CACNA1G: variants seen among roughly 807,000 people sequenced by gnomAD.
The protein encoded by CACNA1G is voltage-dependent T-type calcium channel subunit alpha-1G.
Under a neutral mutation model 219.4 loss-of-function variants are expected in CACNA1G, and 67 were observed. The ratio of observed to expected loss-of-function variants is 0.31; its 90% CI spans 0.25 to 0.37. CACNA1G has a LOEUF of 0.37. CACNA1G is among the 10% of genes least tolerant of loss of function. CACNA1G has a pLI of 1.00. For synonymous variants in CACNA1G, 1,296 were observed against 1,345.3 expected (o/e 0.96, Z 0.80); for missense variants, 2,380 against 3,231.4 (o/e 0.74, Z 6.39).
intron 9 of CACNA1G, among the ~76,000 whole-genome samples, chr17:50,582,820 G>A (rs943559933): frequency 2.6e-5 from 4 of 152,064 alleles, no homozygotes; most frequent in African/African-American, 9.7e-5. Flanking sequence ...TAGACGGGGA[G>A]AGGAAGGGGA....
intron 19 of CACNA1G, among the ~76,000 whole-genome samples, chr17:50,602,247 C>A (rs778411518): frequency 1.3e-5 from 2 of 152,256 alleles, no homozygotes; most frequent in Non-Finnish European, 2.9e-5. Context: ...TGCCCGCCAC[C>A]TCTCTAGAGA....
rs1374983415 is a variant in CACNA1G at position 50,627,268 on chromosome 17, T to A, written c.*517T>A. 2 of 453,574 alleles carry A rather than the reference T, an allele frequency of 4.4e-6. No individual in the cohort carries two copies. The highest frequency in any genetic ancestry group is 1.6e-5 in the South Asian group (1 of 64,318). The allele number at this position is 453,574 out of a possible 1,614,324, so 28.1% of individuals were successfully genotyped here. On this transcript the variant is annotated 3_prime_UTR_variant, in exon 38 of 38. Coordinates refer to ENST00000359106, the MANE Select transcript of CACNA1G (RefSeq NM_018896.5). ...ATTGCAGCCCCAACGGTGGCCCATCTTCAGCGGAGAGCGAGAACCATTTTG... is the reference window on the plus strand; with the variant it reads ...ATTGCAGCCCCAACGGTGGCCCATCATCAGCGGAGAGCGAGAACCATTTTG...
chr17:50,625,126 A>C (rs1339020025), intron 37 of CACNA1G, among the ~76,000 whole-genome samples: 1 of 151,908 alleles, frequency 6.6e-6, no homozygotes, highest in African/African-American at 2.4e-5. Flanking sequence ...ATAATTTTGT[A>C]TTTTTAGTAG....
intron 9 of CACNA1G, among the ~76,000 whole-genome samples, chr17:50,580,740 G>T (rs969401171): frequency 6.6e-6 from 1 of 152,202 alleles, no homozygotes; most frequent in Non-Finnish European, 1.5e-5. Context: ...GGTTTTGTCC[G>T]CATACCTGGT....
At chr17:50,625,636 A>G (rs1483682452) in intron 37 of CACNA1G, among the ~76,000 whole-genome samples, 1 of 152,198 alleles carries the variant, frequency 6.6e-6, no homozygotes, top group African/African-American at 2.4e-5. Context: ...CCAATCAGGA[A>G]GGGTATTCAG....
In CACNA1G at chr17:50,621,540, G is replaced by GC. The variant is rs983901928; in HGVS notation, c.5926-114dup. ...GAGAGAGAAGGGATGCCTTTTTCCC[G>GC]CCCCCCTGTGCTTCGTGAAAAGGGG... On this transcript the variant is annotated intron_variant, in intron 34 of 37. Coordinates refer to ENST00000359106, the MANE Select transcript of CACNA1G (RefSeq NM_018896.5). This position sits in a 1 kb window ranked among gnomAD's most constrained non-coding sequence, Gnocchi z 4.6. The GC allele has an allele frequency of 8.9e-7, 1 of 1,117,670 alleles. No homozygotes were observed. The highest frequency in any genetic ancestry group is 2.5e-5 in the East Asian group (1 of 39,604). 69.2% of individuals were successfully genotyped at this position (1,117,670 alleles called of 1,614,324 possible).
chr17:50,576,429 T>G, intron 8 of CACNA1G, 103 bp downstream of exon 8: 10 of 1,145,272 alleles, frequency 8.7e-6, no homozygotes, highest in Non-Finnish European at 1.1e-5. Flanking sequence ...AGGGCTTATA[T>G]TCTCATGCTG....
At position 50,578,404 on chromosome 17, in the gene CACNA1G, G is replaced by C; in HGVS notation, c.2141G>C (p.Arg714Pro). 3.7e-6 allele frequency: 6 copies of C among 1,613,322 alleles called. No homozygotes were observed. The highest frequency in any genetic ancestry group is 5.1e-6 in the Non-Finnish European group (6 of 1,179,794). Reference sequence around the variant, plus strand: ...CGGGACCCCCACAGCCGGCGGCAACGGAGCCTGGGCCCAGATGCAGAGCCC... The same window carrying C: ...CGGGACCCCCACAGCCGGCGGCAACCGAGCCTGGGCCCAGATGCAGAGCCC... ...DLRDPHSRRQRSLGPDAEPSS... is the reference protein window; with the variant it reads ...DLRDPHSRRQPSLGPDAEPSS... Residue 714 changes from arginine to proline, a missense_variant, in exon 9 of 38, where the codon CGG becomes CCG. Arg to Pro is a moderately radical substitution (Grantham distance 103, BLOSUM62 -2). Coordinates refer to ENST00000359106, the MANE Select transcript of CACNA1G (RefSeq NM_018896.5). The surrounding 1 kb of genome is among the most constrained non-coding windows in gnomAD (Gnocchi z 4.5).
Position 50,618,650 on chromosome 17 carries a change from C to T in CACNA1G, c.5428-5C>T, listed in dbSNP as rs2051079124. ...AGCCTCACCCCTCTATTCCACCCTCCCCAGGACACCCTCCGGGACTGTGAC... is the reference window on the plus strand; with the variant it reads ...AGCCTCACCCCTCTATTCCACCCTCTCCAGGACACCCTCCGGGACTGTGAC... On this transcript the variant is annotated splice_polypyrimidine_tract_variant and splice_region_variant and intron_variant, in intron 32 of 37. Coordinates refer to ENST00000359106, the MANE Select transcript of CACNA1G (RefSeq NM_018896.5). This position sits in a 1 kb window ranked among gnomAD's most constrained non-coding sequence, Gnocchi z 5.3. The T allele has an allele frequency of 6.2e-7, 1 of 1,607,702 alleles. No individual in the cohort carries two copies. The highest frequency in any genetic ancestry group is 8.5e-7 in the Non-Finnish European group (1 of 1,174,690).
At chr17:50,613,560 C>A (rs553219410) in intron 26 of CACNA1G, among the ~76,000 whole-genome samples, 68 of 152,252 alleles carry the variant, frequency 4.5e-4, no homozygotes, top group South Asian at 4.1e-4. Context: ...GCTGGGGTGA[C>A]GGGGAGAGGA....
chr17:50,579,527 C>T lies in CACNA1G; in HGVS notation c.2301+963C>T, dbSNP rs575441337. On this transcript the variant is annotated intron_variant, in intron 9 of 37. Coordinates refer to ENST00000359106, the MANE Select transcript of CACNA1G (RefSeq NM_018896.5). ...GTTCTTTCCAGAAGTCGCTCCCCCT[C>T]CCCCCAGTCTGGCCTTTCAGGTCAC... Among the ~76,000 whole-genome samples the T allele has an allele frequency of 2.4e-4, 36 of 152,182 alleles. No individual in the cohort carries two copies. The East Asian group carries it at 6.4e-3, about 27-fold the overall frequency.
chr17:50,621,662 C>T lies in CACNA1G; in HGVS notation c.5928C>T (p.Ile1976=). 1 of 1,613,896 alleles carries T rather than the reference C, an allele frequency of 6.2e-7. No homozygotes were observed. The highest frequency in any genetic ancestry group is 1.3e-5 in the African/African-American group (1 of 75,058). ...APSLGGSDPQ[I]PLAEMEALSL... The stretch of plus-strand genomic sequence containing the variant: ...TGATCATCTCTCTCCCTGTCTAGAT[C>T]CCTCTAGCTGAGATGGAGGCTCTGT... The change falls in exon 35 of 38, where the codon ATC becomes ATT. Residue 1976 remains isoleucine (I), a splice_region_variant and synonymous_variant. Coordinates refer to ENST00000359106, the MANE Select transcript of CACNA1G (RefSeq NM_018896.5). This position sits in a 1 kb window ranked among gnomAD's most constrained non-coding sequence, Gnocchi z 4.6.
At chr17:50,619,589 C>A in intron 33 of CACNA1G, 94 bp from the exon 34 acceptor site, 1 of 1,200,048 alleles carries the variant, frequency 8.3e-7, no homozygotes, top group South Asian at 1.4e-5. Flanking sequence ...TCCTCTGTTT[C>A]TCTTGTCAAT....
chr17:50,566,126 A>G (rs113179040), intron 1 of CACNA1G, among the ~76,000 whole-genome samples: 2 of 152,298 alleles, frequency 1.3e-5, no homozygotes, highest in Admixed American at 6.5e-5. Context: ...CTGCATAAGG[A>G]CAAGACAACA....
intron 22 of CACNA1G, 119 bp downstream of exon 22, chr17:50,604,400 A>C (rs1226126064): frequency 2.3e-5 from 30 of 1,297,928 alleles, no homozygotes; most frequent in Admixed American, 8.4e-5. Flanking sequence ...AGGAATAAGC[A>C]GGGACGCTTC....
Position 50,618,768 on chromosome 17 carries a change from C to A in CACNA1G, c.5541C>A (p.Ile1847=), listed in dbSNP as rs1367737705. Residue 1847 remains isoleucine (I), a synonymous_variant, in exon 33 of 38, where the codon ATC becomes ATA. Coordinates refer to ENST00000359106, the MANE Select transcript of CACNA1G (RefSeq NM_018896.5). This position sits in a 1 kb window ranked among gnomAD's most constrained non-coding sequence, Gnocchi z 5.3. ...TAQFVLVNVV[I]AVLMKHLEES... Reference sequence around the variant, plus strand: ...AGTTCGTGCTAGTCAACGTGGTGATCGCCGTGCTGATGAAGCACCTGGAGG... The same window carrying A: ...AGTTCGTGCTAGTCAACGTGGTGATAGCCGTGCTGATGAAGCACCTGGAGG... 1.2e-6 allele frequency: 2 copies of A among 1,613,998 alleles called. No individual in the cohort carries two copies. Among genetic ancestry groups the A allele is most frequent in the South Asian group, 2.2e-5 (2 of 91,088 alleles).
intron 26 of CACNA1G, among the ~76,000 whole-genome samples, chr17:50,612,237 C>T (rs377354933): frequency 2.0e-5 from 3 of 152,246 alleles, no homozygotes; most frequent in South Asian, 2.1e-4. Context: ...GAATCAAACA[C>T]GTGCACCGCA....
intron 27 of CACNA1G, 113 bp downstream of exon 27, chr17:50,615,625 C>T: frequency 8.6e-7 from 1 of 1,169,012 alleles, no homozygotes; most frequent in Non-Finnish European, 1.2e-6. Context: ...GTGCTAGGCA[C>T]ACTACATGGG....
chr17:50,618,527 C>A lies in CACNA1G; in HGVS notation c.5428-128C>A. On this transcript the variant is annotated intron_variant, in intron 32 of 37. Transcript: ENST00000359106. This position sits in a 1 kb window ranked among gnomAD's most constrained non-coding sequence, Gnocchi z 5.3. Reference sequence around the variant, plus strand: ...TCACACTTGTAGTGCTCCTCTGCCCCCAAACACTCCCTCCTCCTCCCCTTC... The same window carrying A: ...TCACACTTGTAGTGCTCCTCTGCCCACAAACACTCCCTCCTCCTCCCCTTC... 9.6e-7 allele frequency: 1 copy of A among 1,041,176 alleles called. No homozygotes were observed. The highest frequency in any genetic ancestry group is 2.5e-5 in the East Asian group (1 of 39,812). 64.5% of individuals were successfully genotyped at this position (1,041,176 alleles called of 1,614,324 possible).
Sources: gnomAD v4.1 joint callset for allele counts (sites outside exome capture counted in the v4.1 genomes callset) on GRCh38, gnomAD v4.1.1 for gene constraint, Gnocchi (gnomAD v3.1) non-coding constraint, MANE v1.5 for transcripts, NCBI Gene and HGNC (gene_info 2026-07-23, HGNC 2026-07-21) for gene names.